The following KCNQ3 variants were observed in gnomAD, a reference collection of about 807,000 sequenced individuals.
The protein encoded by KCNQ3 is potassium voltage-gated channel subfamily Q member 3.
A neutral mutation model predicts 92.5 loss-of-function variants in KCNQ3; 30 were observed. The observed-to-expected ratio is 0.32, with a 90% CI of 0.24 to 0.44. KCNQ3 has a LOEUF of 0.44. Ranked by LOEUF, KCNQ3 falls within the 20% of genes least tolerant of loss-of-function variation. The pLI is 1.00. For synonymous variants in KCNQ3, 450 were observed against 468.8 expected (o/e 0.96, Z 0.52); for missense variants, 913 against 1,140.3 (o/e 0.80, Z 2.87).
intron 9 of KCNQ3, 117 bp from the exon 10 acceptor site, chr8:132,141,448 TCACAGTG>T: frequency 1.1e-6 from 1 of 897,664 alleles, no homozygotes; most frequent in Non-Finnish European, 1.8e-6. Context: ...ACCGTGCATT[TCACAGTG>T]CTGAATCTGA....
chr8:132,414,514 G>A (rs561545286), intron 1 of KCNQ3, among the ~76,000 whole-genome samples: 1 of 152,362 alleles, frequency 6.6e-6, no homozygotes, highest in Admixed American at 6.5e-5. Context: ...ATCTGATATG[G>A]CTGAATCCAT....
chr8:132,123,459 A>T lies in KCNQ3; in HGVS notation c.*5803T>A, dbSNP rs1235730121. ...CGTCTTTCACAGCATGGAAACATCAATCTTATTCCAGAGAAGGGAAGAAGT... is the reference window on the plus strand; with the variant it reads ...CGTCTTTCACAGCATGGAAACATCATTCTTATTCCAGAGAAGGGAAGAAGT... On this transcript the variant is annotated 3_prime_UTR_variant, in exon 15 of 15. Transcript: ENST00000388996. 1 of 152,226 alleles carries T rather than the reference A, an allele frequency of 6.6e-6. No individual in the cohort carries two copies. Among genetic ancestry groups the T allele is most frequent in the African/African-American group, 2.4e-5 (1 of 41,468 alleles). 9.4% of individuals were successfully genotyped at this position (152,226 alleles called of 1,614,324 possible).
chr8:132,451,307 C>A (rs1391153862), intron 1 of KCNQ3, among the ~76,000 whole-genome samples: 3 of 152,204 alleles, frequency 2.0e-5, no homozygotes, highest in African/African-American at 7.2e-5. Flanking sequence ...TCCATTAAAC[C>A]TTTTTCCTTT....
chr8:132,439,876 T>C (rs1031563735), intron 1 of KCNQ3, among the ~76,000 whole-genome samples: 2 of 152,160 alleles, frequency 1.3e-5, no homozygotes, highest in African/African-American at 2.4e-5. Context: ...GCTGCTAAAT[T>C]TGTGGTAATT....
At chr8:132,419,881 T>C (rs1473025254) in intron 1 of KCNQ3, among the ~76,000 whole-genome samples, 2 of 152,200 alleles carry the variant, frequency 1.3e-5, no homozygotes, top group African/African-American at 2.4e-5. Flanking sequence ...TCCAAACATG[T>C]CAACATGTCA....
At chr8:132,455,718 C>T (rs534949867) in intron 1 of KCNQ3, among the ~76,000 whole-genome samples, 3 of 152,256 alleles carry the variant, frequency 2.0e-5, no homozygotes, top group South Asian at 2.1e-4. Flanking sequence ...TAATCCTCAC[C>T]GGCACCCTTA....
chr8:132,441,954 C>G (rs899775358), intron 1 of KCNQ3, among the ~76,000 whole-genome samples: 4 of 152,244 alleles, frequency 2.6e-5, no homozygotes, highest in Admixed American at 2.6e-4. Flanking sequence ...GGCCATTATC[C>G]TCAGCAAACT....
At chr8:132,169,608 C>T (rs537130856) in intron 8 of KCNQ3, among the ~76,000 whole-genome samples, 1 of 152,274 alleles carries the variant, frequency 6.6e-6, no homozygotes, top group African/African-American at 2.4e-5. Flanking sequence ...GTTGGAGGAA[C>T]ATCCAAGATT....
At chr8:132,274,672 G>T (rs1279545413) in intron 1 of KCNQ3, among the ~76,000 whole-genome samples, 1 of 152,144 alleles carries the variant, frequency 6.6e-6, no homozygotes. Context: ...CCAGGCTAGG[G>T]TCTAGACATA....
chr8:132,337,165 C>G (rs982324940), intron 1 of KCNQ3, among the ~76,000 whole-genome samples: 6 of 152,122 alleles, frequency 3.9e-5, no homozygotes, highest in African/African-American at 1.2e-4. Flanking sequence ...CATGGAACAT[C>G]CTGGGGCATA....
chr8:132,304,226 A>G (rs1380942036), intron 1 of KCNQ3, among the ~76,000 whole-genome samples: 2 of 152,344 alleles, frequency 1.3e-5, no homozygotes, highest in South Asian at 2.1e-4. Context: ...TGATGGTTAC[A>G]TAAAAGTCTA....
intron 1 of KCNQ3, among the ~76,000 whole-genome samples, chr8:132,376,424 A>T (rs1819611524): frequency 6.6e-6 from 1 of 152,144 alleles, no homozygotes; most frequent in Non-Finnish European, 1.5e-5. Flanking sequence ...TTGTTCTCCC[A>T]ATAACTCACC....
chr8:132,399,461 T>C (rs1004497567), intron 1 of KCNQ3, among the ~76,000 whole-genome samples: 3 of 152,160 alleles, frequency 2.0e-5, no homozygotes, highest in African/African-American at 7.2e-5. Flanking sequence ...ATCCTGGCCT[T>C]TGGGAGTCAT....
intron 1 of KCNQ3, among the ~76,000 whole-genome samples, chr8:132,464,395 A>G (rs1822126673): frequency 6.6e-6 from 1 of 152,210 alleles, no homozygotes; most frequent in Non-Finnish European, 1.5e-5. Context: ...GTGTCCATTC[A>G]TGCAAAAAGA....
intron 1 of KCNQ3, among the ~76,000 whole-genome samples, chr8:132,308,471 A>G (rs1042874981): frequency 6.6e-6 from 1 of 152,222 alleles, no homozygotes; most frequent in Non-Finnish European, 1.5e-5. Context: ...CAATAGAAGC[A>G]TTGAGGAGCC....
At chr8:132,216,229 CACA>C (rs1452440246) in intron 1 of KCNQ3, among the ~76,000 whole-genome samples, 4 of 151,086 alleles carry the variant, frequency 2.6e-5, no homozygotes, top group African/African-American at 4.9e-5. Context: ...CAACTATGAC[CACA>C]ACAACAGCAA....
At chr8:132,227,092 C>T (rs942732379) in intron 1 of KCNQ3, among the ~76,000 whole-genome samples, 5 of 143,628 alleles carry the variant, frequency 3.5e-5, no homozygotes, top group Non-Finnish European at 6.0e-5. Context: ...GATGGAGTCT[C>T]GCTGTGTTGC....
At position 132,237,086 on chromosome 8, in the gene KCNQ3, G is replaced by A. The variant is rs183857423; in HGVS notation, c.387-50905C>T. Among the ~76,000 whole-genome samples the A allele has an allele frequency of 1.9e-3, 292 of 152,306 alleles. 3 individuals carry two copies. The highest frequency in any genetic ancestry group is 1.1e-3 in the Non-Finnish European group (75 of 68,030). ...GACCCTGCACAGAGAATCTAGCAAT[G>A]TTATCCCCAGATTTTTGACCTATAG... On this transcript the variant is annotated intron_variant, in intron 1 of 14. Transcript: ENST00000388996.
intron 1 of KCNQ3, among the ~76,000 whole-genome samples, chr8:132,187,954 G>T (rs79242837): frequency 2.0e-5 from 3 of 150,676 alleles, no homozygotes; most frequent in Admixed American, 6.6e-5. Flanking sequence ...GGTGGTGGTT[G>T]TGATGATGGT....
Sources: gnomAD v4.1 joint callset for allele counts (sites outside exome capture counted in the v4.1 genomes callset) on GRCh38, gnomAD v4.1.1 for gene constraint, MANE v1.5 for transcripts, NCBI Gene and HGNC (gene_info 2026-07-23, HGNC 2026-07-21) for gene names.